The following FHOD3 variants were observed in gnomAD, a reference collection of about 807,000 sequenced individuals.
FHOD3 encodes FH1/FH2 domain-containing protein 3.
A neutral mutation model predicts 173.0 loss-of-function variants in FHOD3; 90 were observed. The ratio of observed to expected loss-of-function variants is 0.52; its 90% CI spans 0.44 to 0.62. The LOEUF (loss-of-function observed/expected upper bound fraction) is 0.62. Ranked by LOEUF, FHOD3 falls within the 20% of genes least tolerant of loss-of-function variation. The pLI is 0.00. For synonymous variants in FHOD3, 828 were observed against 823.0 expected (o/e 1.01, Z -0.10); for missense variants, 1,945 against 2,034.7 (o/e 0.96, Z 0.85).
intron 3 of FHOD3, among the ~76,000 whole-genome samples, chr18:36,409,777 T>C (rs2049257958): frequency 6.6e-6 from 1 of 152,172 alleles, no homozygotes; most frequent in Non-Finnish European, 1.5e-5. Context: ...GGGTGGTTGC[T>C]CTGGCAGCAC....
intron 1 of FHOD3, among the ~76,000 whole-genome samples, chr18:36,311,584 C>T (rs566017998): frequency 2.0e-5 from 3 of 152,292 alleles, no homozygotes; most frequent in African/African-American, 7.2e-5. Context: ...CCCCAGGTGC[C>T]ATGTGCAATG....
At chr18:36,614,913 C>A (rs1260317189) in intron 9 of FHOD3, among the ~76,000 whole-genome samples, 1 of 133,862 alleles carries the variant, frequency 7.5e-6, no homozygotes, top group African/African-American at 2.9e-5. Flanking sequence ...TGCAATGATG[C>A]AATCTCGGCT....
In FHOD3 at chr18:36,592,846, A is replaced by G. The variant is rs146235326; in HGVS notation, c.607-1941A>G. Among the ~76,000 whole-genome samples, 42 of 152,208 alleles carry G rather than the reference A, an allele frequency of 2.8e-4. No homozygotes were observed. In the East Asian group the frequency reaches 7.7e-3, roughly 28 times the overall value. ...GAGAGTTCTGTTTTGGCCACAGTGA[A>G]TCTGTTAGCATCTGAGTGGAGATGT... On this transcript the variant is annotated intron_variant, in intron 6 of 28. Transcript: ENST00000590592.
Position 36,779,598 on chromosome 18 carries a change from G to A in FHOD3, c.*68G>A. On this transcript the variant is annotated 3_prime_UTR_variant, in exon 29 of 29. Transcript: ENST00000590592. ...GCTCTTGCTGGATGAAACCCCTCCAGGTGGGGTTGGGGAGACTTGATATTC... is the reference window on the plus strand; with the variant it reads ...GCTCTTGCTGGATGAAACCCCTCCAAGTGGGGTTGGGGAGACTTGATATTC... 7.1e-7 allele frequency: 1 copy of A among 1,410,170 alleles called. No individual in the cohort carries two copies. Among genetic ancestry groups the A allele is most frequent in the Non-Finnish European group, 1.0e-6 (1 of 998,140 alleles). 87.4% of individuals were successfully genotyped at this position (1,410,170 alleles called of 1,614,324 possible).
intron 5 of FHOD3, chr18:36,544,729 C>G (rs553674066): frequency 6.6e-6 from 1 of 152,474 alleles, no homozygotes; most frequent in Non-Finnish European, 1.5e-5. Flanking sequence ...TGCCAGATGC[C>G]GCCCTCCCCT....
intron 3 of FHOD3, among the ~76,000 whole-genome samples, chr18:36,400,186 A>G (rs951929172): frequency 6.6e-6 from 1 of 152,250 alleles, no homozygotes; most frequent in Admixed American, 6.5e-5. Flanking sequence ...TTGTAGAGCC[A>G]TGGAAAAAAA....
chr18:36,336,277 G>A (rs2045304465), intron 1 of FHOD3, among the ~76,000 whole-genome samples: 1 of 152,164 alleles, frequency 6.6e-6, no homozygotes, highest in African/African-American at 2.4e-5. Context: ...GTTGAGTCCT[G>A]TCACAAACGT....
At chr18:36,555,119 A>G (rs1006863502) in intron 5 of FHOD3, among the ~76,000 whole-genome samples, 3 of 152,132 alleles carry the variant, frequency 2.0e-5, no homozygotes, top group Non-Finnish European at 4.4e-5. Context: ...CTAATTTCTT[A>G]AAGTGGAAGC....
chr18:36,575,146 T>C (rs1413711794), intron 5 of FHOD3, among the ~76,000 whole-genome samples: 1 of 152,130 alleles, frequency 6.6e-6, no homozygotes, highest in Non-Finnish European at 1.5e-5. Context: ...AATTTTTGTG[T>C]TTTTAGTAGA....
intron 3 of FHOD3, among the ~76,000 whole-genome samples, chr18:36,493,273 A>G (rs1484100679): frequency 6.7e-6 from 1 of 150,346 alleles, no homozygotes; most frequent in Non-Finnish European, 1.5e-5. Flanking sequence ...AAGCTTCAAA[A>G]TCACAGGAAA....
intron 1 of FHOD3, among the ~76,000 whole-genome samples, chr18:36,314,770 C>G (rs140063697): frequency 1.4e-3 from 217 of 152,264 alleles, no homozygotes; most frequent in Non-Finnish European, 2.6e-3. Context: ...GTCTATCTTT[C>G]AGCTCTGTTT....
At position 36,770,412 on chromosome 18, in the gene FHOD3, A is replaced by T. The variant is rs182405108; in HGVS notation, c.4786+986A>T. 3.9e-5 allele frequency among the ~76,000 whole-genome samples: 6 copies of T among 152,270 alleles called. No homozygotes were observed. The East Asian group carries it at 9.7e-4, about 25-fold the overall frequency. Reference sequence around the variant, plus strand: ...GAGGTGACCAGGGTGTGGCCTGTGTATGTTGGACCCAGTGGTTCTGCTTGA... The same window carrying T: ...GAGGTGACCAGGGTGTGGCCTGTGTTTGTTGGACCCAGTGGTTCTGCTTGA... On this transcript the variant is annotated intron_variant, in intron 28 of 28. Transcript: ENST00000590592.
At chr18:36,681,968 G>C (rs1364228432) in intron 15 of FHOD3, among the ~76,000 whole-genome samples, 1 of 152,172 alleles carries the variant, frequency 6.6e-6, no homozygotes, top group Non-Finnish European at 1.5e-5. Context: ...TTTCTGGTTT[G>C]CTTTTTGATC....
intron 8 of FHOD3, among the ~76,000 whole-genome samples, chr18:36,610,671 CCTT>C (rs2032581342): frequency 6.6e-6 from 1 of 152,182 alleles, no homozygotes; most frequent in Admixed American, 6.5e-5. Context: ...TGAATAGAGG[CCTT>C]CTTTCCAACA....
intron 8 of FHOD3, among the ~76,000 whole-genome samples, chr18:36,611,693 C>T (rs191118284): frequency 3.3e-5 from 5 of 152,256 alleles, no homozygotes; most frequent in Admixed American, 2.6e-4. Context: ...CATGGGAGTG[C>T]CCCCCTCTCA....
intron 9 of FHOD3, among the ~76,000 whole-genome samples, chr18:36,621,998 T>A (rs977430858): frequency 6.6e-6 from 1 of 152,234 alleles, no homozygotes; most frequent in African/African-American, 2.4e-5. Context: ...CAATGGAATA[T>A]TTTCAGTCTT....
chr18:36,597,355 T>TA (rs1221790145), intron 7 of FHOD3, among the ~76,000 whole-genome samples: 1 of 152,180 alleles, frequency 6.6e-6, no homozygotes. Context: ...TCCTGATTAG[T>TA]AAAAATAATA....
chr18:36,376,017 G>T (rs139879016), intron 3 of FHOD3, among the ~76,000 whole-genome samples: 14 of 152,190 alleles, frequency 9.2e-5, no homozygotes, highest in African/African-American at 3.4e-4. Flanking sequence ...GAATTAAGAC[G>T]TATGATAGAC....
intron 17 of FHOD3, among the ~76,000 whole-genome samples, chr18:36,694,596 A>G (rs910551708): frequency 1.3e-5 from 2 of 152,142 alleles, no homozygotes; most frequent in Non-Finnish European, 2.9e-5. Flanking sequence ...TATCATTGCT[A>G]TTATCTACGT....
Sources: allele counts gnomAD v4.1 joint callset (sites outside exome capture counted in the v4.1 genomes callset), GRCh38; gene constraint gnomAD v4.1.1; transcripts MANE v1.5; gene names NCBI Gene and HGNC (gene_info 2026-07-23, HGNC 2026-07-21).